Variants in CORIN observed in about 807,000 individuals in gnomAD.
CORIN encodes the protein corin, serine peptidase, also known as atrial natriuretic peptide-converting enzyme.
CORIN carries 117 observed loss-of-function variants against 125.3 expected under a neutral mutation model. The ratio of observed to expected loss-of-function variants is 0.93; its 90% CI spans 0.80 to 1.09. The LOEUF (loss-of-function observed/expected upper bound fraction) is 1.09, where lower values mean the gene tolerates loss of function less well. Among genes scored for constraint, CORIN ranks in the 50% least tolerant of loss-of-function variants. The pLI is 0.00. For synonymous variants in CORIN, 450 were observed against 466.4 expected (o/e 0.96, Z 0.45); for missense variants, 1,253 against 1,306.7 (o/e 0.96, Z 0.63).
chr4:47,642,120 T>A, intron 15 of CORIN, 71 bp from the exon 16 acceptor site: 1 of 1,494,916 alleles, frequency 6.7e-7, no homozygotes, highest in Non-Finnish European at 9.2e-7. Flanking sequence ...TAACTTTACA[T>A]GCCTCTGCTT....
chr4:47,805,650 C>A (rs1384510597), intron 2 of CORIN, among the ~76,000 whole-genome samples: 1 of 152,104 alleles, frequency 6.6e-6, no homozygotes, highest in Non-Finnish European at 1.5e-5. Flanking sequence ...GGTAATCCAC[C>A]ACCCATAGCA....
At chr4:47,668,189 TAAGAC>T (rs1369926137) in intron 10 of CORIN, among the ~76,000 whole-genome samples, 6 of 152,260 alleles carry the variant, frequency 3.9e-5, no homozygotes, top group Admixed American at 3.9e-4. Flanking sequence ...CAGTCTGAAC[TAAGAC>T]AAGAAGTAAC....
intron 2 of CORIN, among the ~76,000 whole-genome samples, chr4:47,792,443 GAGTA>G (rs1331386977): frequency 6.6e-6 from 1 of 152,210 alleles, no homozygotes; most frequent in Non-Finnish European, 1.5e-5. Context: ...AGTGAGAAAA[GAGTA>G]AGGCCTTAGC....
intron 9 of CORIN, 70 bp from the exon 10 acceptor site, chr4:47,674,570 C>T: frequency 2.1e-6 from 2 of 937,542 alleles, no homozygotes. Flanking sequence ...TCTAAAAGAT[C>T]AGGAATGTCT....
intron 5 of CORIN, among the ~76,000 whole-genome samples, chr4:47,720,608 A>G (rs1438066277): frequency 6.6e-6 from 1 of 152,228 alleles, no homozygotes; most frequent in African/African-American, 2.4e-5. Context: ...ACATCTACAT[A>G]GAGCTATCCC....
chr4:47,687,108 T>C lies in CORIN; in HGVS notation c.914-3270A>G, dbSNP rs1391496049. Among the ~76,000 whole-genome samples, 11 of 152,358 alleles carry C rather than the reference T, an allele frequency of 7.2e-5. No homozygotes were observed. In the South Asian group the frequency reaches 2.3e-3, roughly 32 times the overall value. On this transcript the variant is annotated intron_variant, in intron 6 of 21. Coordinates refer to ENST00000273857, the MANE Select transcript of CORIN (RefSeq NM_006587.4). ...AGGTGTGGATTCAACTTTCTACTAT[T>C]ATAACTTGCTTGGTTAGAAGCCATT...
chr4:47,763,660 G>T, intron 3 of CORIN, 74 bp from the exon 4 acceptor site: 1 of 1,326,378 alleles, frequency 7.5e-7, no homozygotes, highest in South Asian at 1.3e-5. Context: ...TTTAATATTT[G>T]TTTATAAGAT....
intron 6 of CORIN, 60 bp from the exon 7 acceptor site, chr4:47,683,898 C>T (rs556203634): frequency 3.9e-5 from 49 of 1,255,218 alleles, no homozygotes; most frequent in Admixed American, 3.3e-4. Context: ...TATTGTAGTA[C>T]GATATTTAAC....
rs149525640 is a variant in CORIN at position 47,731,599 on chromosome 4, G to T, written c.799+12803C>A. ...AATGTAGCAAATGCTGGCCGGGCAC[G>T]GTGGCTCACGCCTGTAAACCCAGTA... On this transcript the variant is annotated intron_variant, in intron 5 of 21. Coordinates refer to ENST00000273857, the MANE Select transcript of CORIN (RefSeq NM_006587.4). 1.9e-4 allele frequency among the ~76,000 whole-genome samples: 29 copies of T among 152,260 alleles called. No individual in the cohort carries two copies. In the East Asian group the frequency reaches 5.6e-3, roughly 29 times the overall value.
At chr4:47,656,221 T>G (rs1040448772) in intron 12 of CORIN, among the ~76,000 whole-genome samples, 4 of 150,728 alleles carry the variant, frequency 2.7e-5, no homozygotes, top group Non-Finnish European at 5.9e-5. Flanking sequence ...AATGGCATGA[T>G]CTTGGCTCAC....
intron 2 of CORIN, among the ~76,000 whole-genome samples, chr4:47,805,726 T>A (rs1319332886): frequency 1.3e-5 from 2 of 152,244 alleles, no homozygotes; most frequent in African/African-American, 2.4e-5. Context: ...AAAAGCCTAA[T>A]ATCTATTAAT....
intron 5 of CORIN, among the ~76,000 whole-genome samples, chr4:47,713,394 G>A (rs528020193): frequency 6.6e-6 from 1 of 152,306 alleles, no homozygotes; most frequent in South Asian, 2.1e-4. Context: ...CCCATGCAGG[G>A]AAACATTCAA....
At chr4:47,661,684 C>G in intron 12 of CORIN, 27 bp downstream of exon 12, 2 of 1,580,920 alleles carry the variant, frequency 1.3e-6, no homozygotes, top group Non-Finnish European at 8.6e-7. Context: ...TGTTAGATAC[C>G]CTGCTGTAAT....
At chr4:47,616,868 A>G (rs1722085065) in intron 19 of CORIN, among the ~76,000 whole-genome samples, 1 of 152,250 alleles carries the variant, frequency 6.6e-6, no homozygotes, top group Non-Finnish European at 1.5e-5. Context: ...GAGTGATCCA[A>G]CAAAAAAAGA....
chr4:47,819,651 A>G (rs909720454), intron 1 of CORIN, among the ~76,000 whole-genome samples: 1 of 152,224 alleles, frequency 6.6e-6, no homozygotes, highest in African/African-American at 2.4e-5. Flanking sequence ...AAATGATCCC[A>G]TTAGCCTTAA....
intron 6 of CORIN, among the ~76,000 whole-genome samples, chr4:47,684,875 C>T (rs926846863): frequency 2.4e-4 from 37 of 151,938 alleles, no homozygotes; most frequent in African/African-American, 6.8e-4. Context: ...AGGTGCTCAA[C>T]GTTATTAGTC....
intron 19 of CORIN, among the ~76,000 whole-genome samples, chr4:47,620,126 G>C (rs1722246807): frequency 6.6e-6 from 1 of 151,994 alleles, no homozygotes; most frequent in South Asian, 2.1e-4. Flanking sequence ...GTTTAAAAGT[G>C]TGTCTCCTCA....
At chr4:47,625,647 A>C (rs1482828014) in intron 17 of CORIN, among the ~76,000 whole-genome samples, 1 of 152,202 alleles carries the variant, frequency 6.6e-6, no homozygotes, top group East Asian at 1.9e-4. Context: ...AAAATTCTTA[A>C]GAAGTAGCAA....
chr4:47,678,259 T>G, intron 8 of CORIN, among the ~76,000 whole-genome samples: 1 of 152,344 alleles, frequency 6.6e-6, no homozygotes, highest in East Asian at 1.9e-4. Flanking sequence ...TCTTGAGAAC[T>G]GTGTGATTGT....
Sources: allele counts gnomAD v4.1 joint callset (sites outside exome capture counted in the v4.1 genomes callset), GRCh38; gene constraint gnomAD v4.1.1; transcripts MANE v1.5; gene names NCBI Gene and HGNC (gene_info 2026-07-23, HGNC 2026-07-21).